Variants in TTC7A observed in about 807,000 individuals in gnomAD.
The protein encoded by TTC7A is tetratricopeptide repeat domain 7A.
Under a neutral mutation model 103.7 loss-of-function variants are expected in TTC7A, and 110 were observed. That is an observed-to-expected ratio of 1.06 (90% CI 0.91 to 1.24). The LOEUF is 1.24. Ranked by LOEUF, TTC7A falls within the 50% of genes most tolerant of loss-of-function variation. TTC7A has a pLI of 0.00. For synonymous variants in TTC7A, 521 were observed against 467.9 expected (o/e 1.11, Z -1.47); for missense variants, 1,340 against 1,116.3 (o/e 1.20, Z -2.86).
At chr2:46,942,159 G>T (rs1670484349) in intron 1 of TTC7A, among the ~76,000 whole-genome samples, 1 of 152,194 alleles carries the variant, frequency 6.6e-6, no homozygotes, top group Admixed American at 6.5e-5. Flanking sequence ...GCAGACAGGG[G>T]CGAGGGTTTG....
At chr2:46,974,831 C>T (rs889383532) in intron 3 of TTC7A, 142 bp from the exon 4 acceptor site, 7 of 1,203,024 alleles carry the variant, frequency 5.8e-6, no homozygotes, top group Non-Finnish European at 8.2e-6. Context: ...AGCTTCCTCC[C>T]TCCCCTCCGC....
rs1679789063 is a variant in TTC7A, at chr2:47,025,414, G to C, written c.1641+1055G>C. ...CCCTTTTGGAGTTGGGGCCCTGAGA[G>C]CATGCTCACCAGCCGGGGCTTGGTC... is the stretch of plus-strand genomic sequence containing the variant. On this transcript the variant is annotated intron_variant, in intron 14 of 19. Transcript: ENST00000319190. 2.0e-5 allele frequency among the ~76,000 whole-genome samples: 3 copies of C among 152,194 alleles called. No individual in the cohort carries two copies. The South Asian group carries it at 6.2e-4, about 31-fold the overall frequency.
At chr2:47,040,200 A>C (rs72808512) in intron 15 of TTC7A, among the ~76,000 whole-genome samples, 14,558 of 152,278 alleles carry the variant, frequency 0.096, 747 homozygotes, top group Non-Finnish European at 0.12. Context: ...CTCCCCGCCC[A>C]GACCAGGGCC....
At chr2:46,986,817 A>C (rs200473960) in intron 5 of TTC7A, among the ~76,000 whole-genome samples, 1 of 152,130 alleles carries the variant, frequency 6.6e-6, no homozygotes, top group Non-Finnish European at 1.5e-5. Context: ...GACTTGACCT[A>C]ATTTAAAGAG....
intron 11 of TTC7A, 109 bp from the exon 12 acceptor site, chr2:47,021,753 T>C: frequency 1.2e-6 from 1 of 854,288 alleles, no homozygotes; most frequent in South Asian, 1.5e-5. Context: ...AGTAAGGCCC[T>C]GTGACCTTGA....
chr2:46,980,916 T>C (rs1351976820), intron 5 of TTC7A, among the ~76,000 whole-genome samples: 1 of 152,210 alleles, frequency 6.6e-6, no homozygotes. Context: ...TGGTACAGCC[T>C]AGCCAGGTGG....
At chr2:47,022,677 C>T (rs11695048) in intron 12 of TTC7A, among the ~76,000 whole-genome samples, 52,292 of 151,850 alleles carry the variant, frequency 0.34, 10,008 homozygotes, top group East Asian at 0.52. Flanking sequence ...TTGCTGGGAG[C>T]GGCAGTCACG....
intron 4 of TTC7A, among the ~76,000 whole-genome samples, chr2:46,976,624 C>A (rs976456580): frequency 6.6e-6 from 1 of 152,222 alleles, no homozygotes; most frequent in Admixed American, 6.5e-5. Flanking sequence ...GGATTCTCAA[C>A]CTCAATGCTG....
chr2:47,005,779 T>A, intron 8 of TTC7A, 143 bp from the exon 9 acceptor site: 1 of 869,426 alleles, frequency 1.2e-6, no homozygotes, highest in African/African-American at 1.7e-5. Flanking sequence ...AAAAGGCCAT[T>A]TCTGGGAGTG....
rs1672813425 is a variant in TTC7A at position 46,966,081 on chromosome 2, C to T, written c.518-8892C>T. Among the ~76,000 whole-genome samples the T allele has an allele frequency of 5.3e-5, 8 of 152,186 alleles. 1 individual carries two copies. The South Asian group carries it at 1.7e-3, about 32-fold the overall frequency. On this transcript the variant is annotated intron_variant, in intron 3 of 19. Coordinates refer to ENST00000319190, the MANE Select transcript of TTC7A (RefSeq NM_020458.4). ...TCTCCTGCCTCCGCCTCCCGAGTAG[C>T]TGGGTTTACAGGCATGCGCCACCAC...
chr2:47,047,361 T>G (rs1410612013), intron 16 of TTC7A: 1 of 1,485,108 alleles, frequency 6.7e-7, no homozygotes, highest in Non-Finnish European at 9.2e-7. Context: ...GTAAAACACC[T>G]TGGGCAAAGT....
chr2:46,961,652 C>A (rs1035898051), intron 3 of TTC7A, among the ~76,000 whole-genome samples: 3 of 151,742 alleles, frequency 2.0e-5, no homozygotes, highest in Admixed American at 2.0e-4. Flanking sequence ...TGCCTGTAAT[C>A]CCAGCACTTT....
chr2:47,029,048 G>C (rs1480488514), intron 14 of TTC7A, among the ~76,000 whole-genome samples, 176 bp from the exon 15 acceptor site: 1 of 152,200 alleles, frequency 6.6e-6, no homozygotes, highest in Non-Finnish European at 1.5e-5. Flanking sequence ...TGTGGCAGCA[G>C]ACCCCTCCTC....
intron 3 of TTC7A, among the ~76,000 whole-genome samples, chr2:46,961,277 CTG>C (rs1672344640): frequency 6.6e-6 from 1 of 152,182 alleles, no homozygotes; most frequent in African/African-American, 2.4e-5. Context: ...TCCATTTACT[CTG>C]TATTAAAAAT....
intron 2 of TTC7A, among the ~76,000 whole-genome samples, chr2:46,922,696 A>G (rs1669168681): frequency 6.6e-6 from 1 of 152,134 alleles, no homozygotes; most frequent in Non-Finnish European, 1.5e-5. Context: ...CTCACTCAAC[A>G]ACAAAAAACA....
At chr2:47,011,182 C>G (rs1678002802) in intron 10 of TTC7A, 149 bp from the exon 11 acceptor site, 2 of 629,332 alleles carry the variant, frequency 3.2e-6, no homozygotes, top group Non-Finnish European at 5.3e-6. Context: ...GCCGACACTG[C>G]CTAGGCTTCT....
At chr2:46,978,995 C>G in intron 5 of TTC7A, 88 bp downstream of exon 5, 1 of 860,970 alleles carries the variant, frequency 1.2e-6, no homozygotes, top group Admixed American at 2.0e-5. Flanking sequence ...TCCCTCTTCT[C>G]TGGCCTGTGC....
At chr2:46,991,145 A>T (rs1394542279) in intron 5 of TTC7A, among the ~76,000 whole-genome samples, 2 of 151,570 alleles carry the variant, frequency 1.3e-5, no homozygotes, top group African/African-American at 4.8e-5. Flanking sequence ...TGAACTACTG[A>T]CCTCAAGTGA....
At chr2:47,070,378 C>T (rs1361924388) in intron 19 of TTC7A, among the ~76,000 whole-genome samples, 5 of 152,250 alleles carry the variant, frequency 3.3e-5, no homozygotes, top group Admixed American at 3.3e-4. Context: ...ACGTGGGCAG[C>T]ATCCCTGATC....
Sources: allele counts gnomAD v4.1 joint callset (sites outside exome capture counted in the v4.1 genomes callset), GRCh38; gene constraint gnomAD v4.1.1; transcripts MANE v1.5; gene names NCBI Gene and HGNC (gene_info 2026-07-23, HGNC 2026-07-21).